ATP10B: variants seen among roughly 807,000 people sequenced by gnomAD.
ATP10B encodes phospholipid-transporting ATPase VB.
Under a neutral mutation model 141.2 loss-of-function variants are expected in ATP10B, and 122 were observed. That is an observed-to-expected ratio of 0.86 (90% confidence interval 0.75 to 1.00). ATP10B has a LOEUF of 1.00. Ranked by LOEUF, ATP10B falls within the 50% of genes least tolerant of loss-of-function variation. ATP10B has a pLI of 0.00. For missense variants in ATP10B, 1,876 were observed against 1,825.3 expected, an observed-to-expected ratio of 1.03 and a Z score of -0.51; for synonymous variants, 685 against 692.0, an observed-to-expected ratio of 0.99 and a Z score of 0.16.
chr5:160,813,680 G>A (rs1241865009), intron 1 of ATP10B, among the ~76,000 whole-genome samples: 2 of 152,208 alleles, frequency 1.3e-5, no homozygotes, highest in Non-Finnish European at 2.9e-5. Flanking sequence ...CGGACAGACT[G>A]CCTCCTCAAG....
chr5:160,805,075 C>G (rs1772683474), intron 1 of ATP10B, among the ~76,000 whole-genome samples: 1 of 152,222 alleles, frequency 6.6e-6, no homozygotes, highest in Non-Finnish European at 1.5e-5. Context: ...ATTCAAGGGT[C>G]AACTAAATTT....
At chr5:160,820,204 A>G (rs1773995131) in intron 1 of ATP10B, among the ~76,000 whole-genome samples, 1 of 152,058 alleles carries the variant, frequency 6.6e-6, no homozygotes, top group East Asian at 1.9e-4. Flanking sequence ...CTTACAACTG[A>G]TACCACAGAA....
At chr5:160,669,611 T>C (rs1241500442) in intron 7 of ATP10B, among the ~76,000 whole-genome samples, 12 of 26,934 alleles carry the variant, frequency 4.5e-4, no homozygotes, top group Non-Finnish European at 1.4e-3. Context: ...TCTCTCTCTT[T>C]TTTTTTTTTT....
At chr5:160,649,964 C>A (rs1760590475) in intron 7 of ATP10B, among the ~76,000 whole-genome samples, 2 of 151,836 alleles carry the variant, frequency 1.3e-5, no homozygotes, top group South Asian at 4.2e-4. Context: ...CAAAAATTAG[C>A]CAGGCATGGT....
intron 24 of ATP10B, among the ~76,000 whole-genome samples, chr5:160,578,202 A>AT (rs1372599552): frequency 6.6e-6 from 1 of 151,926 alleles, no homozygotes; most frequent in East Asian, 1.9e-4. Context: ...ATTAAAATGC[A>AT]TTTTTTCATT....
At chr5:160,893,690 T>C in the ATP10B span, among the ~76,000 whole-genome samples, 1 of 152,166 alleles carries the variant, frequency 6.6e-6, no homozygotes, top group Non-Finnish European at 1.5e-5. Flanking sequence ...GTGCTCCAGC[T>C]CTGCTCAGGA....
chr5:160,567,957 G>A (rs575171301), intron 25 of ATP10B, among the ~76,000 whole-genome samples: 10 of 152,268 alleles, frequency 6.6e-5, no homozygotes, highest in South Asian at 2.1e-4. Context: ...TGAGAAATAC[G>A]TAGTGGATAG....
chr5:160,777,665 T>C (rs1322662810), intron 2 of ATP10B, among the ~76,000 whole-genome samples: 1 of 152,162 alleles, frequency 6.6e-6, no homozygotes, highest in East Asian at 1.9e-4. Flanking sequence ...GCTCCAGCAG[T>C]GACTATGTGG....
chr5:160,823,395 G>A (rs1424204718), intron 1 of ATP10B, among the ~76,000 whole-genome samples: 2 of 151,936 alleles, frequency 1.3e-5, no homozygotes, highest in African/African-American at 4.8e-5. Flanking sequence ...AGGGAGTGGG[G>A]TGGGGTGAGG....
In ATP10B at chr5:160,795,991, C is replaced by CT. The variant is rs1309670682; in HGVS notation, c.-575-10189dup. ...GTCCTCACTTGTACTACAGGTGTGA[C>CT]TGGGGGTCATTCTGCCCCCTGAGTT... On this transcript the variant is annotated intron_variant, in intron 1 of 25. Coordinates refer to ENST00000327245, the MANE Select transcript of ATP10B (RefSeq NM_025153.3). Among the ~76,000 whole-genome samples the CT allele has an allele frequency of 9.9e-5, 15 of 152,266 alleles. No homozygotes were observed. The East Asian group carries it at 2.1e-3, about 22-fold the overall frequency.
rs80145405 is a variant in ATP10B, at chr5:160,752,948, C to T, written c.-331+32611G>A. ...ATTTTTTAACCTACACCCATCAGTT[C>T]CTCTTACTTTCTGCTTTAAGAATTA... is the stretch of plus-strand genomic sequence containing the variant. On this transcript the variant is annotated intron_variant, in intron 2 of 25. Coordinates refer to ENST00000327245, the MANE Select transcript of ATP10B (RefSeq NM_025153.3). Among the ~76,000 whole-genome samples, 571 of 152,286 alleles carry T rather than the reference C, an allele frequency of 3.7e-3. 3 individuals carry two copies. Among genetic ancestry groups the T allele is most frequent in the Non-Finnish European group, 6.0e-3 (406 of 68,020 alleles).
Position 160,672,651 on chromosome 5 carries a change from G to A in ATP10B, c.471-1984C>T, listed in dbSNP as rs76681772. 2.0e-3 allele frequency among the ~76,000 whole-genome samples: 309 copies of A among 152,320 alleles called. 1 individual carries two copies. Among genetic ancestry groups the A allele is most frequent in the Non-Finnish European group, 3.7e-3 (250 of 68,020 alleles). On this transcript the variant is annotated intron_variant, in intron 6 of 25. Coordinates refer to ENST00000327245, the MANE Select transcript of ATP10B (RefSeq NM_025153.3). ...GGGTGCCTCTGAAGGCAGCCAGACC[G>A]GGAGAAGCAAGCTTTCCTTTGCTGG... is the stretch of plus-strand genomic sequence containing the variant.
intron 1 of ATP10B, among the ~76,000 whole-genome samples, chr5:160,808,173 A>T (rs1433335699): frequency 6.6e-6 from 1 of 152,214 alleles, no homozygotes; most frequent in Admixed American, 6.5e-5. Context: ...ATATGGACTG[A>T]ATATTAGAAT....
intron 8 of ATP10B, among the ~76,000 whole-genome samples, chr5:160,648,143 C>T (rs1454341121): frequency 6.6e-6 from 1 of 152,110 alleles, no homozygotes; most frequent in Non-Finnish European, 1.5e-5. Context: ...CATCATAATC[C>T]ACATCACGAT....
At chr5:160,909,139 G>A in the ATP10B span, among the ~76,000 whole-genome samples, 10 of 152,302 alleles carry the variant, frequency 6.6e-5, no homozygotes, top group Non-Finnish European at 1.0e-4. Context: ...TGTGATGAAG[G>A]CTCTGATAGA....
chr5:160,725,019 T>G (rs897456579), intron 2 of ATP10B, among the ~76,000 whole-genome samples: 15 of 152,358 alleles, frequency 9.8e-5, no homozygotes, highest in African/African-American at 3.4e-4. Context: ...CCAGAAAGCC[T>G]AGAATAGTTC....
chr5:160,686,340 T>A (rs752890731), intron 5 of ATP10B, 67 bp from the exon 6 acceptor site: 110 of 1,230,240 alleles, frequency 8.9e-5, no homozygotes, highest in Non-Finnish European at 1.1e-4. Flanking sequence ...CCCCCATTTC[T>A]TCCCTACTGT....
intron 1 of ATP10B, among the ~76,000 whole-genome samples, chr5:160,816,881 A>C (rs1773675050): frequency 6.6e-6 from 1 of 152,234 alleles, no homozygotes; most frequent in African/African-American, 2.4e-5. Flanking sequence ...CCAGCATATA[A>C]ACAGAACCAA....
chr5:160,697,309 T>G (rs1240664707), intron 3 of ATP10B, among the ~76,000 whole-genome samples: 1 of 152,096 alleles, frequency 6.6e-6, no homozygotes, highest in African/African-American at 2.4e-5. Flanking sequence ...AAAGGAATAG[T>G]CTTAGCGGAG....
Sources: allele counts gnomAD v4.1 joint callset (sites outside exome capture counted in the v4.1 genomes callset), GRCh38; gene constraint gnomAD v4.1.1; transcripts MANE v1.5; gene names NCBI Gene and HGNC (gene_info 2026-07-23, HGNC 2026-07-21).